The following TMPRSS11F variants were observed in gnomAD, a reference collection of about 807,000 sequenced individuals.
TMPRSS11F encodes transmembrane serine protease 11F.
Under a neutral mutation model 60.2 loss-of-function variants are expected in TMPRSS11F, and 47 were observed. The ratio of observed to expected loss-of-function variants is 0.78; its 90% CI spans 0.62 to 1.00. TMPRSS11F has a LOEUF of 1.00. TMPRSS11F is among the 50% of genes least tolerant of loss of function. The pLI, the probability that TMPRSS11F is intolerant of heterozygous loss-of-function variation, is 0.00. For synonymous variants in TMPRSS11F, 166 were observed against 167.3 expected (o/e 0.99, Z 0.06); for missense variants, 519 against 522.9 (o/e 0.99, Z 0.07).
chr4:68,116,481 A>C (rs1407881601), intron 1 of TMPRSS11F, among the ~76,000 whole-genome samples: 2 of 152,100 alleles, frequency 1.3e-5, no homozygotes, highest in African/African-American at 4.8e-5. Context: ...TTTCACAGAA[A>C]TAAAAAAAAA....
chr4:68,064,619 A>G, intron 8 of TMPRSS11F, 66 bp downstream of exon 8: 1 of 1,541,714 alleles, frequency 6.5e-7, no homozygotes, highest in Non-Finnish European at 8.8e-7. Flanking sequence ...GGGATTCTTT[A>G]AGATAGATAG....
At chr4:68,081,935 A>T (rs1400848316) in intron 3 of TMPRSS11F, among the ~76,000 whole-genome samples, 6 of 152,198 alleles carry the variant, frequency 3.9e-5, no homozygotes, top group African/African-American at 7.2e-5. Context: ...ACCAATGAAA[A>T]ATAACTGAGA....
chr4:68,099,235 AGTTCTGCTGAT>A (rs1389483486), intron 1 of TMPRSS11F, among the ~76,000 whole-genome samples, 197 bp from the exon 2 acceptor site: 1 of 152,140 alleles, frequency 6.6e-6, no homozygotes, highest in African/African-American at 2.4e-5. Context: ...GTTTAGACAA[AGTTCTGCTGAT>A]GTTGACATTC....
rs901557420 is a variant in TMPRSS11F, at chr4:68,090,775, C to T, written c.164-134G>A. 1.3e-5 allele frequency: 18 copies of T among 1,410,668 alleles called. No individual in the cohort carries two copies. The East Asian group carries it at 4.3e-4, about 34-fold the overall frequency. The allele number at this position is 1,410,668 out of a possible 1,614,324, so 87.4% of individuals were successfully genotyped here. A position where few individuals can be genotyped will look rare whatever the true frequency, so the allele number is the denominator to read the frequency against. On this transcript the variant is annotated intron_variant, in intron 2 of 9. Coordinates refer to ENST00000356291, the MANE Select transcript of TMPRSS11F (RefSeq NM_207407.2). Reference sequence around the variant, plus strand: ...TACTTAGTGTAAAAATTCTTGAAGACACTTCTCAAATACTCTGTAATTTCA... The same window carrying T: ...TACTTAGTGTAAAAATTCTTGAAGATACTTCTCAAATACTCTGTAATTTCA...
intron 1 of TMPRSS11F, among the ~76,000 whole-genome samples, chr4:68,114,990 T>TAAAAAAAAAAAAAA (rs56946635): frequency 2.6e-5 from 3 of 114,358 alleles, no homozygotes; most frequent in East Asian, 2.6e-4. Context: ...ATTCATTATT[T>TAAAAAAAAAAAAAA]AAAAAAAAAA....
At chr4:68,100,286 A>G (rs1411520601) in intron 1 of TMPRSS11F, among the ~76,000 whole-genome samples, 1 of 152,126 alleles carries the variant, frequency 6.6e-6, no homozygotes, top group Non-Finnish European at 1.5e-5. Flanking sequence ...AAGCACCTGG[A>G]AATTTACTCT....
At chr4:68,123,674 T>C (rs2109891073) in intron 1 of TMPRSS11F, among the ~76,000 whole-genome samples, 1 of 151,996 alleles carries the variant, frequency 6.6e-6, no homozygotes, top group East Asian at 1.9e-4. Context: ...GGAAAATGAA[T>C]GATAAAAGGG....
At chr4:68,114,656 T>C (rs1457891090) in intron 1 of TMPRSS11F, among the ~76,000 whole-genome samples, 1 of 151,672 alleles carries the variant, frequency 6.6e-6, no homozygotes, top group Non-Finnish European at 1.5e-5. Context: ...CAGCATATTC[T>C]GATAACAAAA....
At chr4:68,097,490 C>G (rs1724097144) in intron 2 of TMPRSS11F, among the ~76,000 whole-genome samples, 1 of 151,998 alleles carries the variant, frequency 6.6e-6, no homozygotes, top group South Asian at 2.1e-4. Flanking sequence ...ATATTTAGGA[C>G]CTATCCAAAA....
chr4:68,089,066 T>C (rs921154561), intron 3 of TMPRSS11F, among the ~76,000 whole-genome samples: 1 of 152,000 alleles, frequency 6.6e-6, no homozygotes, highest in African/African-American at 2.4e-5. Context: ...TTCTGAAACT[T>C]ACACGGAACC....
chr4:68,072,467 C>T lies in TMPRSS11F; in HGVS notation c.370G>A (p.Asp124Asn), dbSNP rs1438391. 8.9e-3 allele frequency: 13,838 copies of T among 1,560,536 alleles called. 531 individuals are homozygous for T. In the African/African-American group the frequency reaches 0.11, roughly 13 times the overall value. The change falls in exon 5 of 10, where the codon GAT becomes AAT. Residue 124 changes from aspartate to asparagine, a missense_variant. Physicochemically the swap from Asp to Asn is conservative, Grantham distance 23 (BLOSUM62 1). Coordinates refer to ENST00000356291, the MANE Select transcript of TMPRSS11F (RefSeq NM_207407.2). ...IKLSPDEQGVDILIVLIFRYP... is the reference protein window; with the variant it reads ...IKLSPDEQGVNILIVLIFRYP... ...CGAAATATGAGCACTATAAGAATATCCACACCTTGTTCATCTGGACTGAAG... is the reference window on the plus strand; with the variant it reads ...CGAAATATGAGCACTATAAGAATATTCACACCTTGTTCATCTGGACTGAAG...
Position 68,090,702 on chromosome 4 carries a change from C to T in TMPRSS11F, c.164-61G>A, listed in dbSNP as rs189184767. 43 of 1,546,240 alleles carry T rather than the reference C, an allele frequency of 2.8e-5. No individual in the cohort carries two copies. The Admixed American group carries it at 6.7e-4, about 24-fold the overall frequency. ...AGGTAATAAGTTGTTTTGTCCCCTA[C>T]GTCTTGCCCACACCTGCTAAATAGG... On this transcript the variant is annotated intron_variant, in intron 2 of 9. Coordinates refer to ENST00000356291, the MANE Select transcript of TMPRSS11F (RefSeq NM_207407.2).
intron 7 of TMPRSS11F, among the ~76,000 whole-genome samples, chr4:68,066,240 T>A (rs1723326478): frequency 6.6e-6 from 1 of 152,014 alleles, no homozygotes; most frequent in Admixed American, 6.6e-5. Context: ...AAGCATCCAT[T>A]TGAAAACTAG....
intron 1 of TMPRSS11F, among the ~76,000 whole-genome samples, chr4:68,125,946 T>C (rs1179945661): frequency 6.6e-6 from 1 of 152,174 alleles, no homozygotes. Flanking sequence ...GGCAGTAAAA[T>C]GTTATCATAT....
chr4:68,068,578 A>C (rs769159898), intron 7 of TMPRSS11F, 40 bp downstream of exon 7: 1 of 1,543,354 alleles, frequency 6.5e-7, no homozygotes, highest in African/African-American at 1.4e-5. Context: ...GCAGATGAGG[A>C]CTGTGAAAAG....
chr4:68,064,726 G>T lies in TMPRSS11F; in HGVS notation c.974C>A (p.Thr325Lys). Reference sequence around the variant, plus strand: ...TCCAAATCCTGTGACGAACACACTTGTTTTAGGTGGCAACTTTATAGATGA... The same window carrying T: ...TCCAAATCCTGTGACGAACACACTTTTTTTAGGTGGCAACTTTATAGATGA... ...PDSSIKLPPK[T>K]SVFVTGFGSI... Residue 325 changes from threonine to lysine, a missense_variant, in exon 8 of 10, where the codon ACA (threonine) becomes AAA (lysine). By Grantham distance (78) the Thr-to-Lys change is moderately conservative. Coordinates refer to ENST00000356291, the MANE Select transcript of TMPRSS11F (RefSeq NM_207407.2). 1 of 1,614,120 alleles carries T rather than the reference G, an allele frequency of 6.2e-7. No homozygotes were observed.
chr4:68,099,860 G>A (rs565450842), intron 1 of TMPRSS11F, among the ~76,000 whole-genome samples: 2 of 152,194 alleles, frequency 1.3e-5, no homozygotes, highest in South Asian at 2.1e-4. Context: ...CTTTGTCTTT[G>A]GGATGCCCAC....
In TMPRSS11F at chr4:68,072,221, CAAAAAA is replaced by C. The variant is rs61257089; in HGVS notation, c.514+96_514+101del. 1.8e-3 allele frequency: 106 copies of C among 57,620 alleles called. 3 individuals carry two copies. Among genetic ancestry groups the C allele is most frequent in the East Asian group, 4.4e-3 (4 of 916 alleles). 3.6% of individuals were successfully genotyped at this position (57,620 alleles called of 1,614,324 possible). A position where few individuals can be genotyped will look rare whatever the true frequency, so the allele number is the denominator to read the frequency against. ...ATTTTATATATATATATATATCTTC[CAAAAAA>C]AAAATATATATATATATATATATTG... On this transcript the variant is annotated intron_variant, in intron 5 of 9. Transcript: ENST00000356291.
intron 3 of TMPRSS11F, among the ~76,000 whole-genome samples, chr4:68,088,227 G>A (rs2109861989): frequency 6.6e-6 from 1 of 151,740 alleles, no homozygotes; most frequent in South Asian, 2.1e-4. Flanking sequence ...AACAAAAAAA[G>A]GCAGGGTTTG....
Sources: allele counts gnomAD v4.1 joint callset (sites outside exome capture counted in the v4.1 genomes callset), GRCh38; gene constraint gnomAD v4.1.1; transcripts MANE v1.5; gene names NCBI Gene and HGNC (gene_info 2026-07-23, HGNC 2026-07-21).